Variants in JAKMIP3 observed in about 807,000 individuals in gnomAD.
JAKMIP3 encodes janus kinase and microtubule-interacting protein 3.
Under a neutral mutation model 118.5 loss-of-function variants are expected in JAKMIP3, and 58 were observed. The observed-to-expected ratio is 0.49, with a 90% CI of 0.40 to 0.61. The LOEUF (loss-of-function observed/expected upper bound fraction) is 0.61, where lower values mean the gene tolerates loss of function less well. Ranked by LOEUF, JAKMIP3 falls within the 20% of genes least tolerant of loss-of-function variation. The pLI, the probability that JAKMIP3 is intolerant of heterozygous loss-of-function variation, is 0.00. For missense variants in JAKMIP3, 950 were observed against 1,109.0 expected (o/e 0.86, Z 2.04); for synonymous variants, 486 against 451.2 (o/e 1.08, Z -0.98).
chr10:132,067,544 GAAGT>G (rs1351205037), intron 1 of JAKMIP3, among the ~76,000 whole-genome samples: 1 of 152,266 alleles, frequency 6.6e-6, no homozygotes, highest in African/African-American at 2.4e-5. Context: ...TCCTCCAAGA[GAAGT>G]AAGTGTCCTA....
intron 1 of JAKMIP3, among the ~76,000 whole-genome samples, chr10:132,100,244 C>T (rs2044632734): frequency 6.6e-6 from 1 of 151,046 alleles, no homozygotes; most frequent in African/African-American, 2.4e-5. Context: ...CTGTGGGTCT[C>T]CTCGAGCCAG....
chr10:132,177,853 G>A (rs2060322012), intron 23 of JAKMIP3, among the ~76,000 whole-genome samples: 1 of 149,272 alleles, frequency 6.7e-6, no homozygotes, highest in Non-Finnish European at 1.5e-5. Flanking sequence ...CCTGGGTAGT[G>A]TGCGTGTGTG....
At chr10:132,152,865 C>T in intron 16 of JAKMIP3, 93 bp from the exon 17 acceptor site, 3 of 1,007,538 alleles carry the variant, frequency 3.0e-6, no homozygotes, top group South Asian at 1.4e-5. Context: ...CCCCAGTCAG[C>T]CTCCCCAGTC....
chr10:132,123,841 G>A (rs555805472), intron 3 of JAKMIP3, among the ~76,000 whole-genome samples: 5 of 152,314 alleles, frequency 3.3e-5, no homozygotes, highest in East Asian at 1.9e-4. Context: ...AAGCCTCACC[G>A]TACAGGTGCT....
rs571893711 is a variant in JAKMIP3, at chr10:132,140,549, C to T, written c.1443C>T (p.Thr481=). ...VSYQTDRTDQ[T]PCTPDDDLEE... ...ACCAAACAGACAGGACGGACCAGAC[C>T]CCGTGCACCCCGGACGATGACTTGG... The change falls in exon 10 of 24, where the codon ACC becomes ACT. Residue 481 remains threonine, a synonymous_variant. Coordinates refer to ENST00000684848, the MANE Select transcript of JAKMIP3 (RefSeq NM_001323087.2). The T allele has an allele frequency of 1.9e-6, 3 of 1,610,494 alleles. No individual in the cohort carries two copies. Among genetic ancestry groups the T allele is most frequent in the East Asian group, 2.2e-5 (1 of 44,584 alleles).
In JAKMIP3 at chr10:132,117,293, G is replaced by A; in HGVS notation, c.352G>A (p.Ala118Thr). Residue 118 changes from alanine to threonine, a missense_variant, in exon 3 of 24, where the codon GCA becomes ACA. Transcript: ENST00000684848. The surrounding 1 kb of genome is among the most constrained non-coding windows in gnomAD (Gnocchi z 8.6). ...IKDNENQRLQ[A>T]LLSALRDGGP... ...GGACAACGAGAACCAGCGGCTGCAGGCACTGCTCAGTGCCCTGCGTGATGG... is the reference window on the plus strand; with the variant it reads ...GGACAACGAGAACCAGCGGCTGCAGACACTGCTCAGTGCCCTGCGTGATGG... The A allele has an allele frequency of 1.2e-6, 2 of 1,613,996 alleles. No homozygotes were observed. The highest frequency in any genetic ancestry group is 1.7e-6 in the Non-Finnish European group (2 of 1,179,908).
chr10:132,080,104 C>T (rs763659117), intron 1 of JAKMIP3, among the ~76,000 whole-genome samples: 8 of 152,182 alleles, frequency 5.3e-5, no homozygotes, highest in Non-Finnish European at 1.2e-4. Context: ...TGCTTGAGCC[C>T]AGAAGTTGGA....
intron 13 of JAKMIP3, 132 bp downstream of exon 13, chr10:132,145,712 C>A: frequency 1.4e-6 from 1 of 730,266 alleles, no homozygotes; most frequent in Non-Finnish European, 2.3e-6. Context: ...CCCTTCTGCT[C>A]TGCTCCCTCC....
intron 9 of JAKMIP3, among the ~76,000 whole-genome samples, chr10:132,139,320 ATGTG>A (rs769194171): frequency 5.2e-5 from 3 of 57,248 alleles, no homozygotes; most frequent in South Asian, 5.4e-4. Flanking sequence ...GTGTATGTGT[ATGTG>A]TGTGTGTTTG....
intron 12 of JAKMIP3, 85 bp downstream of exon 12, chr10:132,145,275 G>A: frequency 8.5e-7 from 1 of 1,177,890 alleles, no homozygotes; most frequent in Non-Finnish European, 1.2e-6. Flanking sequence ...CTTCAGTGGT[G>A]CGATCATAAC....
chr10:132,037,982 G>A (rs2037570899), intron 1 of JAKMIP3, among the ~76,000 whole-genome samples: 1 of 152,242 alleles, frequency 6.6e-6, no homozygotes, highest in African/African-American at 2.4e-5. Context: ...GGCCTGGTCA[G>A]CTTTCTACTA....
chr10:132,131,721 C>T (rs538506652), intron 3 of JAKMIP3, among the ~76,000 whole-genome samples: 1 of 151,994 alleles, frequency 6.6e-6, no homozygotes, highest in South Asian at 2.1e-4. Context: ...TGCACCAGGA[C>T]GCCTGTTTCA....
intron 1 of JAKMIP3, among the ~76,000 whole-genome samples, chr10:132,102,882 A>T (rs1477462240): frequency 6.7e-6 from 1 of 150,240 alleles, no homozygotes; most frequent in East Asian, 2.0e-4. Flanking sequence ...GTAGGGGGGG[A>T]GGGCTGTGTT....
intron 2 of JAKMIP3, among the ~76,000 whole-genome samples, chr10:132,110,952 A>G (rs1172762502): frequency 6.6e-6 from 1 of 152,260 alleles, no homozygotes; most frequent in Non-Finnish European, 1.5e-5. Flanking sequence ...CGAAGGCTCC[A>G]GCTCTGGTCT....
At chr10:132,154,509 G>T (rs142628404) in intron 19 of JAKMIP3, among the ~76,000 whole-genome samples, 3 of 152,192 alleles carry the variant, frequency 2.0e-5, no homozygotes, top group Non-Finnish European at 4.4e-5. Flanking sequence ...TACTTCCCCC[G>T]TGACTGCACA....
At position 132,081,087 on chromosome 10, in the gene JAKMIP3, T is replaced by C. The variant is rs77082923; in HGVS notation, c.-138+15026T>C. ...TAGAGTTTTGTACTTTAAGGTCTTATGTTTAGGTCTTTGATCCATTTTAGG... is the reference window on the plus strand; with the variant it reads ...TAGAGTTTTGTACTTTAAGGTCTTACGTTTAGGTCTTTGATCCATTTTAGG... On this transcript the variant is annotated intron_variant, in intron 1 of 23. Transcript: ENST00000684848. Among the ~76,000 whole-genome samples, 570 of 152,344 alleles carry C rather than the reference T, an allele frequency of 3.7e-3. 2 individuals are homozygous for C. The highest frequency in any genetic ancestry group is 0.013 in the African/African-American group (540 of 41,578).
At chr10:132,176,305 C>T (rs2060134321) in intron 23 of JAKMIP3, among the ~76,000 whole-genome samples, 1 of 152,210 alleles carries the variant, frequency 6.6e-6, no homozygotes, top group Non-Finnish European at 1.5e-5. Context: ...ATGGCAGAAC[C>T]AGCGGGAGGG....
intron 1 of JAKMIP3, among the ~76,000 whole-genome samples, chr10:132,097,851 A>C (rs1205926465): frequency 7.0e-5 from 7 of 100,116 alleles, no homozygotes; most frequent in Non-Finnish European, 1.3e-4. Flanking sequence ...CCTATCACAG[A>C]GATTGCCCTT....
At chr10:132,180,402 A>G (rs1464499352) in intron 23 of JAKMIP3, among the ~76,000 whole-genome samples, 3 of 95,978 alleles carry the variant, frequency 3.1e-5, no homozygotes, top group Non-Finnish European at 5.6e-5. Flanking sequence ...GCTGACTGTG[A>G]GGGACAGTGC....
Sources: gnomAD v4.1 joint callset for allele counts (sites outside exome capture counted in the v4.1 genomes callset) on GRCh38, gnomAD v4.1.1 for gene constraint, Gnocchi (gnomAD v3.1) non-coding constraint, MANE v1.5 for transcripts, NCBI Gene and HGNC (gene_info 2026-07-23, HGNC 2026-07-21) for gene names.